RPS6KA2: variants seen among roughly 807,000 people sequenced by gnomAD.
RPS6KA2 encodes the protein ribosomal protein S6 kinase alpha-2.
Under a neutral mutation model 91.8 loss-of-function variants are expected in RPS6KA2, and 42 were observed. The ratio of observed to expected loss-of-function variants is 0.46; its 90% CI spans 0.36 to 0.59. The LOEUF (loss-of-function observed/expected upper bound fraction) is 0.59, where lower values mean the gene tolerates loss of function less well. Ranked by LOEUF, RPS6KA2 falls within the 20% of genes least tolerant of loss-of-function variation. The probability of loss-of-function intolerance (pLI) is 0.00; values close to 1 mark genes in which losing one functional copy is unlikely to be tolerated. For synonymous variants in RPS6KA2, 414 were observed against 393.6 expected (o/e 1.05, Z -0.61); for missense variants, 798 against 978.5 (o/e 0.82, Z 2.46).
Position 166,680,502 on chromosome 6 carries a change from T to G in RPS6KA2, c.124-141718A>C, listed in dbSNP as rs1028230684. ...TGCTCTTTGTAGTAAATCTTGCTGG[T>G]GCCCACTTTTTGGGTCTGTGCCGCT... On this transcript the variant is annotated intron_variant, in intron 2 of 21. Coordinates refer to the RPS6KA2 transcript ENST00000503859. 5.3e-5 allele frequency among the ~76,000 whole-genome samples: 8 copies of G among 152,168 alleles called. No homozygotes were observed. In the East Asian group the frequency reaches 1.5e-3, roughly 29 times the overall value.
At chr6:166,727,574 C>G (rs927601930) in intron 2 of RPS6KA2, among the ~76,000 whole-genome samples, 1 of 151,878 alleles carries the variant, frequency 6.6e-6, no homozygotes, top group African/African-American at 2.4e-5. Flanking sequence ...AAGCCACCAG[C>G]CCCCTAAGGT....
At chr6:166,515,046 C>A (rs1782599219) in intron 3 of RPS6KA2, among the ~76,000 whole-genome samples, 1 of 152,168 alleles carries the variant, frequency 6.6e-6, no homozygotes, top group Non-Finnish European at 1.5e-5. Context: ...GCCCAAGGAC[C>A]ACTGGAGGAT....
At chr6:166,482,871 C>T (rs987634357) in intron 10 of RPS6KA2, among the ~76,000 whole-genome samples, 1 of 152,182 alleles carries the variant, frequency 6.6e-6, no homozygotes, top group East Asian at 1.9e-4. Context: ...CAGAGTGCTT[C>T]GCAGCCATGC....
At chr6:166,432,982 G>A (rs1354753709) in intron 14 of RPS6KA2, among the ~76,000 whole-genome samples, 3 of 137,132 alleles carry the variant, frequency 2.2e-5, no homozygotes, top group East Asian at 4.3e-4. Flanking sequence ...GTGACAGAGC[G>A]AGACTCTGTC....
intron 2 of RPS6KA2, among the ~76,000 whole-genome samples, chr6:166,718,144 G>T (rs777499434): frequency 2.0e-5 from 3 of 152,126 alleles, no homozygotes; most frequent in Non-Finnish European, 1.5e-5. Context: ...CACTGTGCCC[G>T]GCCCTATTTG....
chr6:166,861,815 T>C (rs1781052827), intron 1 of RPS6KA2, among the ~76,000 whole-genome samples: 1 of 152,358 alleles, frequency 6.6e-6, no homozygotes, highest in East Asian at 1.9e-4. Flanking sequence ...AAGACTTACA[T>C]AGACTTTAAG....
At chr6:166,646,040 G>A (rs9356502) in intron 2 of RPS6KA2, among the ~76,000 whole-genome samples, 3 of 152,046 alleles carry the variant, frequency 2.0e-5, no homozygotes, top group Non-Finnish European at 4.4e-5. Context: ...TTGTAGTGGT[G>A]AGGTTGTAAA....
At chr6:166,567,095 G>A (rs1173373609) in intron 1 of RPS6KA2, among the ~76,000 whole-genome samples, 1 of 152,204 alleles carries the variant, frequency 6.6e-6, no homozygotes, top group Non-Finnish European at 1.5e-5. Context: ...AGCCACTGAG[G>A]TAACCCAGGA....
intron 16 of RPS6KA2, among the ~76,000 whole-genome samples, chr6:166,427,777 A>G (rs1778979699): frequency 6.6e-6 from 1 of 152,218 alleles, no homozygotes; most frequent in South Asian, 2.1e-4. Flanking sequence ...GGAGAACTAC[A>G]AACCACTGCT....
chr6:166,443,139 C>A (rs1340431499), intron 14 of RPS6KA2, among the ~76,000 whole-genome samples: 1 of 151,868 alleles, frequency 6.6e-6, no homozygotes, highest in Non-Finnish European at 1.5e-5. Flanking sequence ...ATAATACGAT[C>A]TAGAGGAAAG....
At position 166,411,734 on chromosome 6, in the gene RPS6KA2, T is replaced by C. The variant is rs760671; in HGVS notation, c.*1028A>G. On this transcript the variant is annotated 3_prime_UTR_variant, in exon 21 of 21. Transcript: ENST00000265678. The surrounding 1 kb of genome is among the most constrained non-coding windows in gnomAD (Gnocchi z 4.5). ...CCTGTGCCTCTGCCCCTCAGTCTGC[T>C]GGGTGGGGCCTGTGTCTCCCTCCAG... 442 of 152,756 alleles carry C rather than the reference T, an allele frequency of 2.9e-3. 4 individuals carry two copies. The East Asian group carries it at 0.031, about 11-fold the overall frequency. 9.5% of individuals were successfully genotyped at this position (152,756 alleles called of 1,614,324 possible). A position where few individuals can be genotyped will look rare whatever the true frequency, so the allele number is the denominator to read the frequency against.
Position 166,459,628 on chromosome 6 carries a change from C to T in RPS6KA2, c.973-77G>A. ...CACAGAACACTGGGGACAGAGAAAC[C>T]TGCTGTGGGGAGGGAAGGATGTTCT... On this transcript the variant is annotated intron_variant, in intron 11 of 20. Coordinates refer to ENST00000265678, the MANE Select transcript of RPS6KA2 (RefSeq NM_021135.6). The surrounding 1 kb of genome is among the most constrained non-coding windows in gnomAD (Gnocchi z 4.9). 6.9e-6 allele frequency: 7 copies of T among 1,011,416 alleles called. No homozygotes were observed. Among genetic ancestry groups the T allele is most frequent in the Non-Finnish European group, 1.1e-5 (7 of 655,154 alleles). 62.7% of individuals were successfully genotyped at this position (1,011,416 alleles called of 1,614,324 possible). A position where few individuals can be genotyped will look rare whatever the true frequency, so the allele number is the denominator to read the frequency against.
chr6:166,603,573 G>C lies in RPS6KA2; in HGVS notation c.99+23348C>G, dbSNP rs1351121304. Among the ~76,000 whole-genome samples the C allele has an allele frequency of 6.6e-6, 1 of 152,192 alleles. No homozygotes were observed. Among genetic ancestry groups the C allele is most frequent in the Non-Finnish European group, 1.5e-5 (1 of 68,038 alleles). On this transcript the variant is annotated intron_variant, in intron 1 of 20. Coordinates refer to ENST00000265678, the MANE Select transcript of RPS6KA2 (RefSeq NM_021135.6). The surrounding 1 kb of genome is among the most constrained non-coding windows in gnomAD (Gnocchi z 4.3). ...CCAGGTAAAGGGCTTTGGCATGGAA[G>C]TGCAGGTTGCTGAAGGAGTCATGGG...
chr6:166,505,855 C>T (rs892133405), intron 5 of RPS6KA2, among the ~76,000 whole-genome samples: 1 of 152,258 alleles, frequency 6.6e-6, no homozygotes, highest in Non-Finnish European at 1.5e-5. Context: ...ACTGACAGCA[C>T]GTTCTGCTAG....
In RPS6KA2 at chr6:166,825,338, A is replaced by T. The variant is rs189511512; in HGVS notation, c.123+32862T>A. Among the ~76,000 whole-genome samples the T allele has an allele frequency of 1.4e-4, 21 of 152,270 alleles. No individual in the cohort carries two copies. Among genetic ancestry groups the T allele is most frequent in the African/African-American group, 4.8e-4 (20 of 41,536 alleles). The stretch of plus-strand genomic sequence containing the variant: ...AGGGGAAGGCGACTATTCTGAAGAG[A>T]ATAACTTTAACCTCTCATTCCCAGG... On this transcript the variant is annotated intron_variant, in intron 2 of 21. Coordinates refer to the RPS6KA2 transcript ENST00000503859. This position sits in a 1 kb window ranked among gnomAD's most constrained non-coding sequence, Gnocchi z 4.1.
chr6:166,449,010 T>G (rs141792754), intron 13 of RPS6KA2, among the ~76,000 whole-genome samples, 161 bp from the exon 14 acceptor site: 1,562 of 152,252 alleles, frequency 0.01, 33 homozygotes, highest in African/African-American at 0.036. Flanking sequence ...GCTGCAGAGC[T>G]ACTTAGTGAT....
chr6:166,507,818 C>A (rs1374622957), intron 5 of RPS6KA2, among the ~76,000 whole-genome samples: 1 of 151,170 alleles, frequency 6.6e-6, no homozygotes, highest in East Asian at 1.9e-4. Flanking sequence ...CACATGCACA[C>A]CCCACATGCA....
chr6:166,522,519 T>C (rs3799662), intron 3 of RPS6KA2, among the ~76,000 whole-genome samples: 59,857 of 152,098 alleles, frequency 0.39, 11,943 homozygotes, highest in East Asian at 0.52. Flanking sequence ...TGGAGGGATT[T>C]TGAAGACTGA....
At chr6:166,531,019 G>C (rs1442153529) in intron 3 of RPS6KA2, among the ~76,000 whole-genome samples, 1 of 152,238 alleles carries the variant, frequency 6.6e-6, no homozygotes, top group African/African-American at 2.4e-5. Flanking sequence ...ACGCAATACA[G>C]CTCTTCTCTG....
Sources: gnomAD v4.1 joint callset for allele counts (sites outside exome capture counted in the v4.1 genomes callset) on GRCh38, gnomAD v4.1.1 for gene constraint, Gnocchi (gnomAD v3.1) non-coding constraint, MANE v1.5 for transcripts, NCBI Gene and HGNC (gene_info 2026-07-23, HGNC 2026-07-21) for gene names.